VPS13A: variants seen among roughly 807,000 people sequenced by gnomAD.
VPS13A encodes vacuolar protein sorting 13 homolog A.
A neutral mutation model predicts 390.9 loss-of-function variants in VPS13A; 264 were observed. That is an observed-to-expected ratio of 0.68 (90% CI 0.61 to 0.75). The LOEUF (loss-of-function observed/expected upper bound fraction) is 0.75, where lower values mean the gene tolerates loss of function less well. VPS13A is among the 30% of genes least tolerant of loss of function. The pLI, the probability that VPS13A is intolerant of heterozygous loss-of-function variation, is 0.00. For synonymous variants in VPS13A, 1,231 were observed against 1,227.1 expected, an observed-to-expected ratio of 1.00 and a Z score of -0.07; for missense variants, 3,409 against 3,733.9, an observed-to-expected ratio of 0.91 and a Z score of 2.27.
At chr9:77,412,454 A>C (rs1185984991) in intron 71 of VPS13A, among the ~76,000 whole-genome samples, 1 of 152,260 alleles carries the variant, frequency 6.6e-6, no homozygotes, top group Non-Finnish European at 1.5e-5. Flanking sequence ...GCAAATCAAT[A>C]AACATAATCC....
chr9:77,196,295 T>A (rs1193402516), intron 1 of VPS13A, among the ~76,000 whole-genome samples: 1 of 152,224 alleles, frequency 6.6e-6, no homozygotes, highest in Non-Finnish European at 1.5e-5. Flanking sequence ...ATTTAGAATA[T>A]CCATCACCTT....
chr9:77,209,360 A>G (rs915345397), intron 5 of VPS13A, 63 bp from the exon 6 acceptor site: 1 of 1,131,474 alleles, frequency 8.8e-7, no homozygotes, highest in Non-Finnish European at 1.3e-6. Flanking sequence ...TTACTTCAGT[A>G]TGTGGATATT....
rs189561214 is a variant in VPS13A, at chr9:77,420,066, A to G, written c.*4060A>G. ...GATTTTTTTTGGTGCTTTTCAGTAT[A>G]GCGCAACTCTAAAAGGAAACCCATT... On this transcript the variant is annotated 3_prime_UTR_variant, in exon 72 of 72. Transcript: ENST00000360280. 105 of 152,302 alleles carry G rather than the reference A, an allele frequency of 6.9e-4. No individual in the cohort carries two copies. Among genetic ancestry groups the G allele is most frequent in the Admixed American group, 6.8e-3 (104 of 15,294 alleles). The allele number at this position is 152,302 out of a possible 1,614,324, so 9.4% of individuals were successfully genotyped here.
At position 77,417,690 on chromosome 9, in the gene VPS13A, A is replaced by C. The variant is rs1251490478; in HGVS notation, c.*1684A>C. 1 of 152,230 alleles carries C rather than the reference A, an allele frequency of 6.6e-6. No individual in the cohort carries two copies. Among genetic ancestry groups the C allele is most frequent in the Non-Finnish European group, 1.5e-5 (1 of 68,046 alleles). The allele number at this position is 152,230 out of a possible 1,614,324, so 9.4% of individuals were successfully genotyped here. Reference sequence around the variant, plus strand: ...ACGAAATACTTCATTACCCAATGTTATGATTTCACCATTCTCAGAAAAATT... The same window carrying C: ...ACGAAATACTTCATTACCCAATGTTCTGATTTCACCATTCTCAGAAAAATT... On this transcript the variant is annotated 3_prime_UTR_variant, in exon 72 of 72. Coordinates refer to ENST00000360280, the MANE Select transcript of VPS13A (RefSeq NM_033305.3).
chr9:77,245,805 C>T (rs1156942358), intron 19 of VPS13A, among the ~76,000 whole-genome samples: 10 of 152,066 alleles, frequency 6.6e-5, no homozygotes, highest in Non-Finnish European at 1.3e-4. Flanking sequence ...CTGGAGGCAG[C>T]GTAATTTGTG....
chr9:77,321,798 T>C (rs748832112), intron 44 of VPS13A, 52 bp downstream of exon 44: 1 of 1,592,564 alleles, frequency 6.3e-7, no homozygotes, highest in East Asian at 2.2e-5. Context: ...TAAATTACAA[T>C]TTACATGTTA....
intron 26 of VPS13A, 150 bp from the exon 27 acceptor site, chr9:77,280,009 G>T: frequency 1.8e-6 from 1 of 563,930 alleles, no homozygotes; most frequent in Non-Finnish European, 3.1e-6. Context: ...AAAGAACAAA[G>T]AAGTAACTTG....
chr9:77,222,620 A>G (rs1464001676), intron 13 of VPS13A, among the ~76,000 whole-genome samples: 1 of 152,110 alleles, frequency 6.6e-6, no homozygotes, highest in Non-Finnish European at 1.5e-5. Flanking sequence ...TTCCAATAGC[A>G]TTTATTCCTG....
chr9:77,286,610 G>C (rs1473500885), intron 31 of VPS13A, among the ~76,000 whole-genome samples: 1 of 152,110 alleles, frequency 6.6e-6, no homozygotes, highest in East Asian at 1.9e-4. Flanking sequence ...CAGTTCTGAT[G>C]ACAGTTTGAC....
rs189138644 is a variant in VPS13A at position 77,295,740 on chromosome 9, C to G, written c.3706C>G (p.Leu1236Val). 3 of 1,613,992 alleles carry G rather than the reference C, an allele frequency of 1.9e-6. No homozygotes were observed. The highest frequency in any genetic ancestry group is 1.7e-5 in the Admixed American group (1 of 59,990). The change falls in exon 33 of 72, where the codon CTA becomes GTA. Residue 1236 changes from leucine (L) to valine (V), a missense_variant. Around this residue, in one of 5 missense-constraint regions of VPS13A, gnomAD observed 2,717 missense variants for 2,917.4 expected, o/e 0.93. Transcript: ENST00000360280. ...SENVFVADFG[L>V]ITMTNTFHMI... ...AAATGTTTTTGTTGCTGATTTTGGA[C>G]TAATTACAATGACAAATACCTTTCA...
Position 77,292,448 on chromosome 9 carries a change from T to C in VPS13A, c.3340-893T>C, listed in dbSNP as rs112093090. On this transcript the variant is annotated intron_variant, in intron 31 of 71. Transcript: ENST00000360280. ...ATTGCTAATGGTTTTAAGAAAGTTATGATATCATAGTTTATCGGGTTTTTT... is the reference window on the plus strand; with the variant it reads ...ATTGCTAATGGTTTTAAGAAAGTTACGATATCATAGTTTATCGGGTTTTTT... 2.6e-3 allele frequency among the ~76,000 whole-genome samples: 389 copies of C among 152,294 alleles called. 1 individual carries two copies. Among genetic ancestry groups the C allele is most frequent in the African/African-American group, 8.7e-3 (363 of 41,578 alleles).
chr9:77,379,639 G>T (rs2131609177), intron 67 of VPS13A, among the ~76,000 whole-genome samples: 1 of 152,044 alleles, frequency 6.6e-6, no homozygotes, highest in South Asian at 2.1e-4. Context: ...CTCGCAAAGT[G>T]CTGGGATTAC....
rs577469622 is a variant in VPS13A at position 77,418,051 on chromosome 9, CTAGA to C, written c.*2048_*2051del. The C allele has an allele frequency of 2.0e-5, 3 of 152,196 alleles. No individual in the cohort carries two copies. In the South Asian group the frequency reaches 6.2e-4, roughly 32 times the overall value. The allele number at this position is 152,196 out of a possible 1,614,324, so 9.4% of individuals were successfully genotyped here. ...AAAACACTAAGAAATCAGTAGATCA[CTAGA>C]TAATGAGTCAGTGTTTTTAGCATCA... On this transcript the variant is annotated 3_prime_UTR_variant, in exon 72 of 72. Coordinates refer to ENST00000360280, the MANE Select transcript of VPS13A (RefSeq NM_033305.3).
At chr9:77,382,948 ATGT>A (rs1384155126) in intron 68 of VPS13A, 25 of 985,098 alleles carry the variant, frequency 2.5e-5, no homozygotes, top group Non-Finnish European at 2.9e-5. Flanking sequence ...TACCAGTGTC[ATGT>A]TGTTTCTGTG....
chr9:77,364,075 C>G (rs144525545), intron 59 of VPS13A, among the ~76,000 whole-genome samples: 3 of 152,230 alleles, frequency 2.0e-5, no homozygotes, highest in African/African-American at 7.2e-5. Context: ...CTCTAGTATT[C>G]TCAGTGGTAC....
In VPS13A at chr9:77,390,090, G is replaced by A. The variant is rs1287988188; in HGVS notation, c.9189+8003G>A. 4 of 985,294 alleles carry A rather than the reference G, an allele frequency of 4.1e-6. No individual in the cohort carries two copies. The African/African-American group carries it at 7.0e-5, about 17-fold the overall frequency. The allele number at this position is 985,294 out of a possible 1,614,324, so 61.0% of individuals were successfully genotyped here. Reference sequence around the variant, plus strand: ...CTGGAAGAAAGGTCTTACTATAGCAGTCAGATCACCAGAGTAGTGCCGAAC... The same window carrying A: ...CTGGAAGAAAGGTCTTACTATAGCAATCAGATCACCAGAGTAGTGCCGAAC... On this transcript the variant is annotated intron_variant, in intron 68 of 71. Transcript: ENST00000360280.
intron 41 of VPS13A, 41 bp from the exon 42 acceptor site, chr9:77,319,531 G>A (rs762865140): frequency 4.5e-5 from 60 of 1,318,818 alleles, no homozygotes; most frequent in Non-Finnish European, 5.5e-5. Context: ...GTGGGAAACA[G>A]GATGGAAGAT....
chr9:77,388,530 T>G lies in VPS13A; in HGVS notation c.9189+6443T>G, dbSNP rs564161867. On this transcript the variant is annotated intron_variant, in intron 68 of 71. Coordinates refer to ENST00000360280, the MANE Select transcript of VPS13A (RefSeq NM_033305.3). ...AACAGTCTACCTCCAAATATCAATTTTAAAACACACGTTTAACAGTGTTAT... is the reference window on the plus strand; with the variant it reads ...AACAGTCTACCTCCAAATATCAATTGTAAAACACACGTTTAACAGTGTTAT... Among the ~76,000 whole-genome samples the G allele has an allele frequency of 2.4e-4, 37 of 151,230 alleles. No individual in the cohort carries two copies. The South Asian group carries it at 7.9e-3, about 32-fold the overall frequency.
chr9:77,265,848 T>C (rs916319249), intron 23 of VPS13A, among the ~76,000 whole-genome samples: 6 of 152,172 alleles, frequency 3.9e-5, no homozygotes, highest in Admixed American at 3.9e-4. Flanking sequence ...TTTGAATTTG[T>C]TTCCTCTTGC....
Sources: allele counts gnomAD v4.1 joint callset (sites outside exome capture counted in the v4.1 genomes callset), GRCh38; gene constraint gnomAD v4.1.1; regional missense constraint gnomAD v4.1.1; transcripts MANE v1.5; gene names NCBI Gene and HGNC (gene_info 2026-07-23, HGNC 2026-07-21).